KCNH7: variants seen among roughly 807,000 people sequenced by gnomAD.
KCNH7 encodes voltage-gated inwardly rectifying potassium channel KCNH7.
Under a neutral mutation model 120.8 loss-of-function variants are expected in KCNH7, and 49 were observed. That is an observed-to-expected ratio of 0.41 (90% CI 0.32 to 0.51). The LOEUF (loss-of-function observed/expected upper bound fraction) is 0.51, where lower values mean the gene tolerates loss of function less well. KCNH7 is among the 20% of genes least tolerant of loss of function. KCNH7 has a pLI of 0.38. For synonymous variants in KCNH7, 547 were observed against 516.1 expected (o/e 1.06, Z -0.81); for missense variants, 1,097 against 1,446.6 (o/e 0.76, Z 3.92).
At chr2:162,453,968 A>G (rs986909183) in intron 6 of KCNH7, among the ~76,000 whole-genome samples, 1 of 152,050 alleles carries the variant, frequency 6.6e-6, no homozygotes, top group Admixed American at 6.6e-5. Flanking sequence ...AATTAGATAC[A>G]TATGTAAATT....
intron 2 of KCNH7, among the ~76,000 whole-genome samples, chr2:162,658,225 C>T (rs1379120895): frequency 6.6e-6 from 1 of 151,554 alleles, no homozygotes; most frequent in East Asian, 1.9e-4. Context: ...TCCAGTTTGT[C>T]TGGCATCATT....
At chr2:162,613,058 A>G (rs2105975079) in intron 2 of KCNH7, among the ~76,000 whole-genome samples, 2 of 152,132 alleles carry the variant, frequency 1.3e-5, no homozygotes, top group African/African-American at 4.8e-5. Flanking sequence ...GACAGAAAGT[A>G]GAGAGAAAAC....
At chr2:162,582,728 G>A (rs1462149218) in intron 2 of KCNH7, among the ~76,000 whole-genome samples, 1 of 152,080 alleles carries the variant, frequency 6.6e-6, no homozygotes, top group African/African-American at 2.4e-5. Context: ...CAACAAAACT[G>A]TTCAAACAAT....
chr2:162,656,752 A>T (rs1405004338), intron 2 of KCNH7, among the ~76,000 whole-genome samples: 1 of 152,208 alleles, frequency 6.6e-6, no homozygotes. Context: ...ATTTTGAGGC[A>T]TATTTGCTGT....
intron 2 of KCNH7, among the ~76,000 whole-genome samples, chr2:162,703,358 T>C (rs1335552412): frequency 6.6e-6 from 1 of 152,142 alleles, no homozygotes; most frequent in African/African-American, 2.4e-5. Context: ...CTAGGTTTAA[T>C]GGTATAACAG....
chr2:162,491,281 A>G (rs1690295508), intron 6 of KCNH7, among the ~76,000 whole-genome samples: 1 of 152,086 alleles, frequency 6.6e-6, no homozygotes, highest in African/African-American at 2.4e-5. Flanking sequence ...CCTGCACTTA[A>G]ACTGTTTATT....
intron 11 of KCNH7, among the ~76,000 whole-genome samples, chr2:162,395,440 C>T (rs7573634): frequency 0.021 from 3,115 of 151,744 alleles, 216 homozygotes; most frequent in Admixed American, 0.15. Context: ...ATTTTGCTCC[C>T]AGATCCTCCT....
intron 6 of KCNH7, among the ~76,000 whole-genome samples, chr2:162,498,492 G>A (rs952229590): frequency 6.8e-6 from 1 of 148,028 alleles, no homozygotes; most frequent in South Asian, 2.1e-4. Context: ...CTGTGTGTGT[G>A]GGGGGGAGGG....
intron 2 of KCNH7, among the ~76,000 whole-genome samples, chr2:162,593,497 T>G (rs911370974): frequency 3.3e-5 from 5 of 152,012 alleles, no homozygotes; most frequent in African/African-American, 9.7e-5. Context: ...GTAGCAACAT[T>G]TTTCTTTCCT....
chr2:162,486,542 A>G (rs1208405192), intron 6 of KCNH7, among the ~76,000 whole-genome samples: 2 of 152,328 alleles, frequency 1.3e-5, no homozygotes, highest in East Asian at 1.9e-4. Flanking sequence ...TGGTTGAAAA[A>G]GAAACCTATG....
intron 5 of KCNH7, 110 bp from the exon 6 acceptor site, chr2:162,504,767 G>T: frequency 1.4e-6 from 1 of 700,522 alleles, no homozygotes; most frequent in Non-Finnish European, 2.4e-6. Context: ...TGATTTGAGT[G>T]TGACTGAATG....
At chr2:162,727,696 G>A (rs750282573) in intron 2 of KCNH7, among the ~76,000 whole-genome samples, 1 of 152,048 alleles carries the variant, frequency 6.6e-6, no homozygotes, top group Non-Finnish European at 1.5e-5. Flanking sequence ...TCCATTTTAT[G>A]GATATAGAAC....
chr2:162,417,793 C>T (rs143784945), intron 9 of KCNH7, among the ~76,000 whole-genome samples: 1 of 152,230 alleles, frequency 6.6e-6, no homozygotes, highest in Non-Finnish European at 1.5e-5. Flanking sequence ...ATCACTTGTG[C>T]AAGATGAACA....
At chr2:162,814,084 G>A (rs1016878111) in intron 2 of KCNH7, among the ~76,000 whole-genome samples, 3 of 152,126 alleles carry the variant, frequency 2.0e-5, no homozygotes, top group Non-Finnish European at 4.4e-5. Context: ...CAATTGCTTG[G>A]CCTTGGTTTC....
intron 2 of KCNH7, among the ~76,000 whole-genome samples, chr2:162,722,971 A>T (rs559648218): frequency 6.6e-6 from 1 of 151,500 alleles, no homozygotes; most frequent in African/African-American, 2.4e-5. Context: ...TCTGTTTGGT[A>T]AATTTTCATA....
intron 2 of KCNH7, among the ~76,000 whole-genome samples, chr2:162,743,282 C>A (rs1406104665): frequency 2.6e-5 from 4 of 151,078 alleles, no homozygotes; most frequent in Non-Finnish European, 2.9e-5. Context: ...TGCATTTGTT[C>A]AAAAAATAAA....
chr2:162,440,957 G>A (rs1293843953), intron 7 of KCNH7, among the ~76,000 whole-genome samples: 1 of 151,984 alleles, frequency 6.6e-6, no homozygotes, highest in Non-Finnish European at 1.5e-5. Context: ...TTTACCAAGG[G>A]TTATACTTTA....
intron 2 of KCNH7, among the ~76,000 whole-genome samples, chr2:162,682,728 C>G (rs1685755457): frequency 6.6e-6 from 1 of 151,594 alleles, no homozygotes; most frequent in Non-Finnish European, 1.5e-5. Context: ...CTGTTGTAAT[C>G]AAAGAGAAAA....
chr2:162,726,775 C>G (rs1159543555), intron 2 of KCNH7, among the ~76,000 whole-genome samples: 1 of 152,046 alleles, frequency 6.6e-6, no homozygotes, highest in Non-Finnish European at 1.5e-5. Context: ...GAAGGCTTTT[C>G]AATTGGCTTC....
Sources: gnomAD v4.1 joint callset for allele counts (sites outside exome capture counted in the v4.1 genomes callset) on GRCh38, gnomAD v4.1.1 for gene constraint, MANE v1.5 for transcripts, NCBI Gene and HGNC (gene_info 2026-07-23, HGNC 2026-07-21) for gene names.